TAF3: variants seen among roughly 807,000 people sequenced by gnomAD.
The protein encoded by TAF3 is TATA-box binding protein associated factor 3.
Under a neutral mutation model 80.6 loss-of-function variants are expected in TAF3, and 7 were observed. That is an observed-to-expected ratio of 0.09 (90% CI 0.05 to 0.16). The LOEUF (loss-of-function observed/expected upper bound fraction) is 0.16. Ranked by LOEUF, TAF3 falls within the 10% of genes least tolerant of loss-of-function variation. TAF3 has a pLI of 1.00. For missense variants in TAF3, 921 were observed against 1,140.2 expected (o/e 0.81, Z 2.77); for synonymous variants, 444 against 446.1 (o/e 1.00, Z 0.06).
At chr10:7,848,030 A>T (rs992261828) in intron 2 of TAF3, among the ~76,000 whole-genome samples, 1 of 152,208 alleles carries the variant, frequency 6.6e-6, no homozygotes, top group Admixed American at 6.5e-5. Context: ...TTGGCTTCCC[A>T]AAGTGCTGGG....
rs1413980577 is a variant in TAF3 at position 8,015,019 on chromosome 10, G to C, written c.*268G>C. On this transcript the variant is annotated 3_prime_UTR_variant, in exon 7 of 7. Transcript: ENST00000344293. The stretch of plus-strand genomic sequence containing the variant: ...CCCCTCCTCCACTTCTCTAATACCA[G>C]TGACAAGTATTATTAATAAAGAGCG... 3.1e-6 allele frequency: 1 copy of C among 319,740 alleles called. No homozygotes were observed. The highest frequency in any genetic ancestry group is 6.2e-5 in the East Asian group (1 of 16,078). 19.8% of individuals were successfully genotyped at this position (319,740 alleles called of 1,614,324 possible). A position where few individuals can be genotyped will look rare whatever the true frequency, so the allele number is the denominator to read the frequency against.
intron 2 of TAF3, among the ~76,000 whole-genome samples, chr10:7,826,945 CT>C (rs1348269040): frequency 6.6e-6 from 1 of 152,142 alleles, no homozygotes; most frequent in East Asian, 1.9e-4. Flanking sequence ...GATAATGATG[CT>C]GTTCACCATG....
At chr10:7,975,904 A>G (rs968506304) in intron 3 of TAF3, among the ~76,000 whole-genome samples, 13 of 152,244 alleles carry the variant, frequency 8.5e-5, no homozygotes, top group Admixed American at 2.6e-4. Context: ...AGTGACTAAC[A>G]GTAAACCAGT....
chr10:7,822,308 T>C (rs750208896), intron 1 of TAF3, among the ~76,000 whole-genome samples: 8 of 152,002 alleles, frequency 5.3e-5, no homozygotes, highest in Non-Finnish European at 1.2e-4. Context: ...AGGTTTTGGT[T>C]TGAGGCTGCA....
intron 2 of TAF3, among the ~76,000 whole-genome samples, chr10:7,944,600 A>G (rs149512455): frequency 3.9e-5 from 6 of 152,338 alleles, no homozygotes; most frequent in Admixed American, 6.5e-5. Context: ...GCATCTTTCA[A>G]ATGTACCATA....
At chr10:7,969,673 A>G (rs1013254813) in intron 3 of TAF3, among the ~76,000 whole-genome samples, 3 of 152,210 alleles carry the variant, frequency 2.0e-5, no homozygotes, top group Non-Finnish European at 2.9e-5. Flanking sequence ...GCCAAAATCC[A>G]TCTGTCAAAG....
At chr10:8,012,230 C>T (rs923371876) in intron 5 of TAF3, among the ~76,000 whole-genome samples, 12 of 152,184 alleles carry the variant, frequency 7.9e-5, no homozygotes, top group African/African-American at 2.9e-4. Context: ...AAGAGAGACG[C>T]TTTGTGGTTA....
At chr10:7,876,133 CATAG>C (rs1325578112) in intron 2 of TAF3, among the ~76,000 whole-genome samples, 1 of 151,958 alleles carries the variant, frequency 6.6e-6, no homozygotes, top group Non-Finnish European at 1.5e-5. Context: ...CAAATCTGTA[CATAG>C]ATAAATTAAT....
intron 2 of TAF3, among the ~76,000 whole-genome samples, chr10:7,845,818 T>C (rs1836964140): frequency 6.6e-6 from 1 of 152,218 alleles, no homozygotes; most frequent in African/African-American, 2.4e-5. Context: ...AGCATTGCTT[T>C]CTTGACATTT....
intron 2 of TAF3, among the ~76,000 whole-genome samples, chr10:7,846,893 G>C (rs1836978099): frequency 6.6e-6 from 1 of 152,180 alleles, no homozygotes; most frequent in Admixed American, 6.5e-5. Flanking sequence ...TAGTGAAATA[G>C]ATTGTCATCC....
At chr10:7,822,840 C>A (rs1365690833) in intron 1 of TAF3, among the ~76,000 whole-genome samples, 2 of 152,078 alleles carry the variant, frequency 1.3e-5, no homozygotes, top group Non-Finnish European at 2.9e-5. Flanking sequence ...TTAAGCTCTG[C>A]TAAGAATAGG....
chr10:7,890,432 T>C (rs900121071), intron 2 of TAF3, among the ~76,000 whole-genome samples: 1 of 152,216 alleles, frequency 6.6e-6, no homozygotes, highest in African/African-American at 2.4e-5. Context: ...AAGCCTCTTA[T>C]CCTATTAGAG....
intron 4 of TAF3, among the ~76,000 whole-genome samples, chr10:7,981,539 C>T (rs1831725581): frequency 6.6e-6 from 1 of 152,180 alleles, no homozygotes; most frequent in African/African-American, 2.4e-5. Flanking sequence ...TCTAAATTCC[C>T]TTTGAGAGTT....
At chr10:7,896,894 G>GTCA (rs1564358942) in intron 2 of TAF3, among the ~76,000 whole-genome samples, 5 of 152,162 alleles carry the variant, frequency 3.3e-5, no homozygotes, top group Non-Finnish European at 5.9e-5. Context: ...CCAGTTGGAA[G>GTCA]GCCCTTTTCC....
At chr10:7,860,096 C>T (rs1837129113) in intron 2 of TAF3, among the ~76,000 whole-genome samples, 1 of 152,012 alleles carries the variant, frequency 6.6e-6, no homozygotes, top group Admixed American at 6.6e-5. Context: ...CATGGCCAAA[C>T]CCTGTCTCTA....
intron 3 of TAF3, among the ~76,000 whole-genome samples, chr10:7,970,934 G>A (rs1025311329): frequency 4.6e-5 from 7 of 152,026 alleles, no homozygotes; most frequent in African/African-American, 1.2e-4. Flanking sequence ...TAATTAATTC[G>A]TGAAATGAAG....
intron 2 of TAF3, among the ~76,000 whole-genome samples, chr10:7,890,334 G>T (rs1837446424): frequency 6.6e-6 from 1 of 152,142 alleles, no homozygotes. Flanking sequence ...GATGCTCTTG[G>T]TATAGCCCTT....
intron 5 of TAF3, among the ~76,000 whole-genome samples, chr10:8,013,400 C>A (rs1336429969): frequency 6.6e-6 from 1 of 151,912 alleles, no homozygotes; most frequent in Non-Finnish European, 1.5e-5. Context: ...TAAGAATTTA[C>A]ATAGTTATAG....
In TAF3 at chr10:8,016,346, C is replaced by A. The variant is rs990469931; in HGVS notation, c.*1595C>A. On this transcript the variant is annotated 3_prime_UTR_variant, in exon 7 of 7. Transcript: ENST00000344293. ...AAAACATTATGTGGTTAGAGAAATG[C>A]GGTTTTCTGCCATGAATGTTAAGTT... is the stretch of plus-strand genomic sequence containing the variant. 4 of 152,040 alleles carry A rather than the reference C, an allele frequency of 2.6e-5. No homozygotes were observed. Among genetic ancestry groups the A allele is most frequent in the Non-Finnish European group, 5.9e-5 (4 of 68,022 alleles). 9.4% of individuals were successfully genotyped at this position (152,040 alleles called of 1,614,324 possible).
Sources: gnomAD v4.1 joint callset for allele counts (sites outside exome capture counted in the v4.1 genomes callset) on GRCh38, gnomAD v4.1.1 for gene constraint, MANE v1.5 for transcripts, NCBI Gene and HGNC (gene_info 2026-07-23, HGNC 2026-07-21) for gene names.